TAFA2: variants seen among roughly 807,000 people sequenced by gnomAD.
The protein encoded by TAFA2 is chemokine-like protein TAFA-2.
Under a neutral mutation model 18.8 loss-of-function variants are expected in TAFA2, and 7 were observed. The observed-to-expected ratio is 0.37, with a 90% CI of 0.21 to 0.70. TAFA2 has a LOEUF of 0.70. TAFA2 is among the 30% of genes least tolerant of loss of function. TAFA2 has a pLI of 0.53. For missense variants in TAFA2, 122 were observed against 158.1 expected (o/e 0.77, Z 1.23); for synonymous variants, 60 against 54.2 (o/e 1.11, Z -0.47).
chr12:61,974,777 T>C (rs1195861350), intron 1 of TAFA2, among the ~76,000 whole-genome samples: 1 of 151,774 alleles, frequency 6.6e-6, no homozygotes, highest in East Asian at 1.9e-4. Context: ...TAGAAAAATC[T>C]GTGTGCTACA....
At chr12:62,055,940 T>C (rs904388357) in intron 1 of TAFA2, among the ~76,000 whole-genome samples, 3 of 152,212 alleles carry the variant, frequency 2.0e-5, no homozygotes, top group African/African-American at 7.2e-5. Context: ...TAGAGAGCTA[T>C]CATACATAAA....
At position 62,021,665 on chromosome 12, in the gene TAFA2, C is replaced by T. The variant is rs558159582; in HGVS notation, c.-1-154239G>A. ...TGTGCAGTATCTCATCTTTGGGTTC[C>T]ACGATGCTCACGTGGTCAGGCAGGG... is the stretch of plus-strand genomic sequence containing the variant. On this transcript the variant is annotated intron_variant, in intron 1 of 4. Coordinates refer to ENST00000416284, the MANE Select transcript of TAFA2 (RefSeq NM_178539.5). The T allele has an allele frequency of 6.7e-6, 9 of 1,347,046 alleles. No individual in the cohort carries two copies. The Admixed American group carries it at 1.0e-4, about 15-fold the overall frequency. The allele number at this position is 1,347,046 out of a possible 1,614,324, so 83.4% of individuals were successfully genotyped here. A position where few individuals can be genotyped will look rare whatever the true frequency, so the allele number is the denominator to read the frequency against.
chr12:61,973,712 A>T (rs1247812805), intron 1 of TAFA2, among the ~76,000 whole-genome samples: 1 of 151,702 alleles, frequency 6.6e-6, no homozygotes, highest in African/African-American at 2.4e-5. Context: ...AAACCTGATT[A>T]GCCTTTGAGA....
intron 1 of TAFA2, among the ~76,000 whole-genome samples, chr12:62,187,591 CA>C (rs1467569283): frequency 3.9e-5 from 6 of 152,066 alleles, no homozygotes; most frequent in Non-Finnish European, 7.4e-5. Context: ...TTTCACATTC[CA>C]ATATGTCTAA....
At chr12:62,159,914 G>A (rs1283912065) in intron 1 of TAFA2, among the ~76,000 whole-genome samples, 1 of 152,110 alleles carries the variant, frequency 6.6e-6, no homozygotes, top group African/African-American at 2.4e-5. Flanking sequence ...GACTGTATTG[G>A]ATGTTCTTAG....
chr12:61,726,992 A>AT (rs1332859609), intron 4 of TAFA2, among the ~76,000 whole-genome samples: 1 of 151,932 alleles, frequency 6.6e-6, no homozygotes, highest in East Asian at 1.9e-4. Context: ...TGATTATGTG[A>AT]TTTTTGTTTT....
intron 1 of TAFA2, among the ~76,000 whole-genome samples, chr12:62,139,333 T>G (rs1275870415): frequency 6.6e-6 from 1 of 152,192 alleles, no homozygotes; most frequent in Non-Finnish European, 1.5e-5. Flanking sequence ...ATAAAATGCT[T>G]AAGTATTTTG....
chr12:61,753,915 T>C lies in TAFA2; in HGVS notation c.260-169A>G, dbSNP rs903884725. 3.3e-5 allele frequency among the ~76,000 whole-genome samples: 5 copies of C among 152,134 alleles called. No homozygotes were observed. In the South Asian group the frequency reaches 6.2e-4, roughly 19 times the overall value. On this transcript the variant is annotated intron_variant, in intron 3 of 4. Transcript: ENST00000416284. ...AAGGACAAAACCTTTCAAGATTTTC[T>C]AACTAAAATAATTTTCTTTAAAACA...
At chr12:61,926,606 T>C (rs1363752284) in intron 1 of TAFA2, among the ~76,000 whole-genome samples, 1 of 152,210 alleles carries the variant, frequency 6.6e-6, no homozygotes, top group East Asian at 1.9e-4. Context: ...CACAGGATTA[T>C]ATCAATAGAT....
At chr12:61,817,283 T>C (rs1872124577) in intron 2 of TAFA2, among the ~76,000 whole-genome samples, 1 of 152,128 alleles carries the variant, frequency 6.6e-6, no homozygotes, top group Non-Finnish European at 1.5e-5. Flanking sequence ...TAAATAAAAA[T>C]AAACATATTT....
rs1443374656 is a variant in TAFA2, at chr12:61,747,150, C to A, written c.384+6472G>T. ...CACTGGCCATCAGAGAAATGCAAAT[C>A]AAGACCACAATGAGATACCATCTCA... On this transcript the variant is annotated intron_variant, in intron 4 of 4. Coordinates refer to ENST00000416284, the MANE Select transcript of TAFA2 (RefSeq NM_178539.5). 3.3e-5 allele frequency among the ~76,000 whole-genome samples: 5 copies of A among 152,214 alleles called. No individual in the cohort carries two copies. The East Asian group carries it at 9.7e-4, about 30-fold the overall frequency.
chr12:61,747,229 G>A (rs1868759604), intron 4 of TAFA2, among the ~76,000 whole-genome samples: 1 of 150,386 alleles, frequency 6.6e-6, no homozygotes, highest in African/African-American at 2.4e-5. Context: ...GTGCTGGAGA[G>A]GATGTGGAGA....
At chr12:62,233,066 CTTTTTTTTTTTTTTTT>C (rs34781688) in intron 1 of TAFA2, among the ~76,000 whole-genome samples, 6 of 39,574 alleles carry the variant, frequency 1.5e-4, no homozygotes, top group South Asian at 1.6e-3. Context: ...TTCTGCATCT[CTTTTTTTTTTTTTTTT>C]TTTTTTTTTT....
At chr12:62,011,376 T>C (rs1321467916) in intron 1 of TAFA2, among the ~76,000 whole-genome samples, 2 of 152,164 alleles carry the variant, frequency 1.3e-5, no homozygotes, top group African/African-American at 2.4e-5. Context: ...GAAGTAGACA[T>C]AGGAGACACA....
chr12:62,235,998 A>C (rs2136986843), intron 1 of TAFA2, among the ~76,000 whole-genome samples: 1 of 152,004 alleles, frequency 6.6e-6, no homozygotes, highest in Non-Finnish European at 1.5e-5. Flanking sequence ...TAAAAAAAAA[A>C]CAAATGAAGG....
chr12:61,977,528 G>A (rs1592526378), intron 1 of TAFA2, among the ~76,000 whole-genome samples: 1 of 152,136 alleles, frequency 6.6e-6, no homozygotes, highest in East Asian at 1.9e-4. Context: ...ATGTGCTACT[G>A]TCAGAAAGCC....
intron 1 of TAFA2, among the ~76,000 whole-genome samples, chr12:62,122,134 C>T (rs1870225024): frequency 6.6e-6 from 1 of 152,132 alleles, no homozygotes; most frequent in Admixed American, 6.5e-5. Flanking sequence ...GGTTTAATAC[C>T]TGGGTGATGA....
intron 1 of TAFA2, among the ~76,000 whole-genome samples, chr12:62,245,990 C>CT (rs376867882): frequency 0.21 from 28,977 of 140,600 alleles, 4,391 homozygotes; most frequent in African/African-American, 0.43. Context: ...ATTGTTATTC[C>CT]TTTTTTTTTT....
intron 2 of TAFA2, among the ~76,000 whole-genome samples, chr12:61,800,194 T>A (rs1401364285): frequency 2.0e-5 from 3 of 152,216 alleles, no homozygotes; most frequent in Non-Finnish European, 4.4e-5. Flanking sequence ...ACTATCTATG[T>A]GCCAGATATA....
Sources: gnomAD v4.1 joint callset for allele counts (sites outside exome capture counted in the v4.1 genomes callset) on GRCh38, gnomAD v4.1.1 for gene constraint, MANE v1.5 for transcripts, NCBI Gene and HGNC (gene_info 2026-07-23, HGNC 2026-07-21) for gene names.